The following CAMKMT variants were observed in gnomAD, a reference collection of about 807,000 sequenced individuals.
The protein encoded by CAMKMT is calmodulin-lysine N-methyltransferase.
CAMKMT carries 53 observed loss-of-function variants against 48.0 expected under a neutral mutation model. The observed-to-expected ratio is 1.10, with a 90% CI of 0.89 to 1.39. CAMKMT has a LOEUF of 1.39. Among genes scored for constraint, CAMKMT ranks in the 40% most tolerant of loss-of-function variants. The pLI, the probability that CAMKMT is intolerant of heterozygous loss-of-function variation, is 0.00. For missense variants in CAMKMT, 428 were observed against 402.7 expected (o/e 1.06, Z -0.54); for synonymous variants, 165 against 152.3 (o/e 1.08, Z -0.61).
At chr2:44,485,750 C>T (rs1161846880) in intron 3 of CAMKMT, among the ~76,000 whole-genome samples, 1 of 152,112 alleles carries the variant, frequency 6.6e-6, no homozygotes, top group Non-Finnish European at 1.5e-5. Context: ...TATATGTGGT[C>T]CTTCTCTTAC....
chr2:44,745,967 C>G (rs1679900119), intron 8 of CAMKMT, among the ~76,000 whole-genome samples: 1 of 152,162 alleles, frequency 6.6e-6, no homozygotes, highest in African/African-American at 2.4e-5. Flanking sequence ...GGCAGGCAGG[C>G]AGGCAAACCG....
chr2:44,634,833 AATAAATGGAAAGGTAGAGAGTT>A (rs1673032295), intron 3 of CAMKMT, among the ~76,000 whole-genome samples: 1 of 151,262 alleles, frequency 6.6e-6, no homozygotes, highest in Non-Finnish European at 1.5e-5. Context: ...CAGACAGAGC[AATAAATGGAAAGGTAGAGAGTT>A]ATAAAATAGC....
intron 2 of CAMKMT, among the ~76,000 whole-genome samples, chr2:44,380,746 A>T (rs1680157228): frequency 6.6e-6 from 1 of 152,230 alleles, no homozygotes; most frequent in South Asian, 2.1e-4. Context: ...AAACCCTGAT[A>T]ACTTCATGGA....
rs373438599 is a variant in CAMKMT at position 44,743,670 on chromosome 2, T to C, written c.672T>C (p.His224=). 3.1e-6 allele frequency: 5 copies of C among 1,613,160 alleles called. No homozygotes were observed. The highest frequency in any genetic ancestry group is 4.2e-6 in the Non-Finnish European group (5 of 1,179,482). The change falls in exon 8 of 11, where the codon CAT becomes CAC. Residue 224 remains histidine (H), a synonymous_variant. Transcript: ENST00000378494. ...NETDVSQLEG[H]FDIVMCADCL... ...CAGATGTCTCTCAACTGGAAGGACA[T>C]TTTGACATTGTTATGTGTGCTGACT...
intron 3 of CAMKMT, among the ~76,000 whole-genome samples, chr2:44,513,427 A>G (rs956739740): frequency 6.6e-6 from 1 of 152,198 alleles, no homozygotes; most frequent in African/African-American, 2.4e-5. Context: ...TTGCTATTCC[A>G]TTGCATCAGC....
intron 3 of CAMKMT, among the ~76,000 whole-genome samples, chr2:44,397,878 A>G (rs577336482): frequency 6.6e-6 from 1 of 152,334 alleles, no homozygotes; most frequent in African/African-American, 2.4e-5. Flanking sequence ...ATATGCCTTA[A>G]TCAGTGCAAT....
intron 3 of CAMKMT, among the ~76,000 whole-genome samples, chr2:44,567,365 C>T (rs546534267): frequency 3.3e-5 from 5 of 152,232 alleles, no homozygotes; most frequent in East Asian, 3.9e-4. Context: ...TCTGCATGGA[C>T]GTGATCTTTG....
At chr2:44,636,581 T>C (rs1215406723) in intron 3 of CAMKMT, among the ~76,000 whole-genome samples, 6 of 152,222 alleles carry the variant, frequency 3.9e-5, no homozygotes, top group African/African-American at 1.2e-4. Context: ...CAAATTCATC[T>C]TCCTAATGAA....
Position 44,715,356 on chromosome 2 carries a change from A to G in CAMKMT, c.623+3A>G. The stretch of plus-strand genomic sequence containing the variant: ...AAGACCCAGAAAATATCAAGCTGGT[A>G]AGATACCTTTCTGCATTAAAAAATT... On this transcript the variant is annotated splice_donor_region_variant and intron_variant, in intron 7 of 10. Transcript: ENST00000378494. The G allele has an allele frequency of 6.2e-7, 1 of 1,608,106 alleles. No individual in the cohort carries two copies.
At chr2:44,477,663 G>T (rs1668757408) in intron 3 of CAMKMT, among the ~76,000 whole-genome samples, 1 of 152,090 alleles carries the variant, frequency 6.6e-6, no homozygotes, top group South Asian at 2.1e-4. Context: ...ATTTTGCCTA[G>T]CTGCCATTTC....
At chr2:44,439,648 C>G (rs1202679807) in intron 3 of CAMKMT, among the ~76,000 whole-genome samples, 2 of 151,968 alleles carry the variant, frequency 1.3e-5, no homozygotes, top group African/African-American at 4.8e-5. Flanking sequence ...ACCATCCTGG[C>G]TAACACGGTG....
At chr2:44,562,026 G>A (rs1261881993) in intron 3 of CAMKMT, among the ~76,000 whole-genome samples, 1 of 152,184 alleles carries the variant, frequency 6.6e-6, no homozygotes. Flanking sequence ...ACTTGCTTGT[G>A]ACAGGTGGTG....
intron 8 of CAMKMT, among the ~76,000 whole-genome samples, chr2:44,752,751 A>G (rs1322548141): frequency 6.6e-6 from 1 of 152,188 alleles, no homozygotes; most frequent in Non-Finnish European, 1.5e-5. Context: ...AGAATGCTGC[A>G]TCCTCTGGAG....
chr2:44,661,299 T>C (rs1409587321), intron 3 of CAMKMT, among the ~76,000 whole-genome samples: 1 of 151,160 alleles, frequency 6.6e-6, no homozygotes, highest in Non-Finnish European at 1.5e-5. Context: ...ACAACAATGG[T>C]TGTGAGCAGC....
intron 3 of CAMKMT, among the ~76,000 whole-genome samples, chr2:44,484,989 G>GGT (rs1669148192): frequency 6.6e-6 from 1 of 152,002 alleles, no homozygotes; most frequent in Non-Finnish European, 1.5e-5. Flanking sequence ...ATAGTCACCA[G>GGT]GTAAATACAA....
At position 44,371,929 on chromosome 2, in the gene CAMKMT, A is replaced by G. The variant is rs186721854; in HGVS notation, c.139-787A>G. On this transcript the variant is annotated intron_variant, in intron 1 of 10. Transcript: ENST00000378494. ...AAAATCCAAGCATTATTATTGGTTG[A>G]TATGCCCCACACTTAAAAACCTGGC... Among the ~76,000 whole-genome samples the G allele has an allele frequency of 3.6e-3, 548 of 152,296 alleles. 3 individuals carry two copies. Among genetic ancestry groups the G allele is most frequent in the African/African-American group, 0.013 (530 of 41,566 alleles).
intron 3 of CAMKMT, among the ~76,000 whole-genome samples, chr2:44,551,331 G>C (rs187440131): frequency 1.3e-5 from 2 of 152,196 alleles, no homozygotes; most frequent in Admixed American, 1.3e-4. Context: ...TCACTGTTCA[G>C]GTGACTCTAA....
intron 3 of CAMKMT, among the ~76,000 whole-genome samples, chr2:44,684,969 GA>G (rs1324992974): frequency 6.9e-6 from 1 of 145,516 alleles, no homozygotes; most frequent in East Asian, 2.8e-4. Flanking sequence ...TCTTGCAAAA[GA>G]AGAGGGATTC....
At chr2:44,510,662 C>T (rs936537258) in intron 3 of CAMKMT, among the ~76,000 whole-genome samples, 1 of 152,062 alleles carries the variant, frequency 6.6e-6, no homozygotes, top group Non-Finnish European at 1.5e-5. Context: ...TTTTAAAAAA[C>T]TTCATTTCAA....
Sources: allele counts gnomAD v4.1 joint callset (sites outside exome capture counted in the v4.1 genomes callset), GRCh38; gene constraint gnomAD v4.1.1; transcripts MANE v1.5; gene names NCBI Gene and HGNC (gene_info 2026-07-23, HGNC 2026-07-21).